The following ENOX1 variants were observed in gnomAD, a reference collection of about 807,000 sequenced individuals.
ENOX1 encodes the protein candidate growth-related and time keeping constitutive hydroquinone (NADH) oxidase.
A neutral mutation model predicts 82.5 loss-of-function variants in ENOX1; 42 were observed. The ratio of observed to expected loss-of-function variants is 0.51; its 90% CI spans 0.40 to 0.66. ENOX1 has a LOEUF of 0.66. ENOX1 is among the 30% of genes least tolerant of loss of function. ENOX1 has a pLI of 0.00. For synonymous variants in ENOX1, 271 were observed against 282.2 expected (o/e 0.96, Z 0.40); for missense variants, 608 against 811.6 (o/e 0.75, Z 3.05).
rs552598276 is a variant in ENOX1 at position 43,414,454 on chromosome 13, G to A, written c.-74-1466C>T. On this transcript the variant is annotated intron_variant, in intron 3 of 16. Transcript: ENST00000690772. ...CCAAATGAACTCAGAACCTGCATGT[G>A]TATTGTGCATCAATTATCTTAGGCT... 2.0e-5 allele frequency among the ~76,000 whole-genome samples: 3 copies of A among 152,294 alleles called. 1 individual carries two copies. The highest frequency in any genetic ancestry group is 2.1e-4 in the South Asian group (1 of 4,830).
chr13:43,451,047 C>A (rs61959497), intron 3 of ENOX1, among the ~76,000 whole-genome samples: 29,801 of 151,994 alleles, frequency 0.2, 3,541 homozygotes, highest in Middle Eastern at 0.28. Flanking sequence ...ACGTTGAGAC[C>A]TTGCATTTCT....
chr13:43,670,874 AC>A (rs2085233681), intron 1 of ENOX1, among the ~76,000 whole-genome samples: 1 of 151,708 alleles, frequency 6.6e-6, no homozygotes, highest in Non-Finnish European at 1.5e-5. Context: ...AACAACAACA[AC>A]AACAACAAAA....
At chr13:43,309,874 AG>A (rs2047090769) in intron 11 of ENOX1, among the ~76,000 whole-genome samples, 1 of 152,116 alleles carries the variant, frequency 6.6e-6, no homozygotes, top group East Asian at 1.9e-4. Context: ...ATAGTTTTTC[AG>A]GTAGCAATGT....
intron 9 of ENOX1, among the ~76,000 whole-genome samples, chr13:43,335,046 C>A (rs1311722765): frequency 6.6e-6 from 1 of 152,180 alleles, no homozygotes; most frequent in African/African-American, 2.4e-5. Flanking sequence ...GCAAAGGGGG[C>A]TAGGCTAGAC....
intron 11 of ENOX1, among the ~76,000 whole-genome samples, chr13:43,309,346 C>T (rs57093678): frequency 8.0e-4 from 121 of 152,066 alleles, no homozygotes; most frequent in African/African-American, 2.9e-3. Flanking sequence ...TTACTGTACT[C>T]ACTGACTCTA....
At chr13:43,239,165 T>A (rs1319738687) in intron 14 of ENOX1, among the ~76,000 whole-genome samples, 1 of 152,178 alleles carries the variant, frequency 6.6e-6, no homozygotes, top group Non-Finnish European at 1.5e-5. Flanking sequence ...TCTGTGGAAG[T>A]ATTTCTTGAG....
intron 8 of ENOX1, among the ~76,000 whole-genome samples, chr13:43,347,447 C>T (rs1411207743): frequency 6.6e-6 from 1 of 152,140 alleles, no homozygotes; most frequent in Non-Finnish European, 1.5e-5. Context: ...GATGTACTGA[C>T]ATTCAAATTA....
intron 2 of ENOX1, among the ~76,000 whole-genome samples, chr13:43,634,370 T>C (rs949195056): frequency 2.6e-4 from 40 of 152,200 alleles, no homozygotes; most frequent in African/African-American, 9.4e-4. Context: ...AGTTACATAC[T>C]TGGATGGTGT....
intron 2 of ENOX1, among the ~76,000 whole-genome samples, chr13:43,590,647 G>A (rs1380952700): frequency 1.3e-5 from 2 of 151,614 alleles, no homozygotes; most frequent in South Asian, 2.1e-4. Context: ...ACAGTGGCAC[G>A]CGCCTGTAGT....
intron 1 of ENOX1, among the ~76,000 whole-genome samples, chr13:43,669,825 A>G (rs959209619): frequency 2.6e-5 from 4 of 152,182 alleles, no homozygotes; most frequent in Non-Finnish European, 5.9e-5. Context: ...GAGAGGAAAG[A>G]AAAACTTTCA....
intron 1 of ENOX1, among the ~76,000 whole-genome samples, chr13:43,760,915 G>A (rs1196222648): frequency 1.3e-5 from 2 of 149,298 alleles, no homozygotes; most frequent in African/African-American, 4.9e-5. Context: ...GCCTGGCAAT[G>A]AGCATTATGT....
At chr13:43,409,064 A>G (rs2053968171) in intron 5 of ENOX1, among the ~76,000 whole-genome samples, 1 of 151,204 alleles carries the variant, frequency 6.6e-6, no homozygotes, top group African/African-American at 2.4e-5. Flanking sequence ...AAAAATTACC[A>G]GGAACCCTAT....
chr13:43,407,438 T>C (rs908874261), intron 5 of ENOX1, among the ~76,000 whole-genome samples: 1 of 152,244 alleles, frequency 6.6e-6, no homozygotes, highest in African/African-American at 2.4e-5. Context: ...AATTAATTTT[T>C]AAATTTTACT....
At chr13:43,754,335 A>ATAT (rs1228677794) in intron 1 of ENOX1, among the ~76,000 whole-genome samples, 5 of 143,426 alleles carry the variant, frequency 3.5e-5, no homozygotes, top group Non-Finnish European at 6.1e-5. Context: ...ATATATATAT[A>ATAT]TATTATTATT....
chr13:43,341,222 G>A (rs1231421906), intron 9 of ENOX1, among the ~76,000 whole-genome samples: 3 of 151,900 alleles, frequency 2.0e-5, no homozygotes, highest in Non-Finnish European at 2.9e-5. Context: ...ATTTGAACCC[G>A]GAGGCAGAGG....
intron 2 of ENOX1, among the ~76,000 whole-genome samples, chr13:43,562,329 TATAAG>T (rs1342305407): frequency 6.6e-6 from 1 of 152,082 alleles, no homozygotes; most frequent in Non-Finnish European, 1.5e-5. Flanking sequence ...AATAATGGGT[TATAAG>T]ATATTTACAA....
chr13:43,334,916 T>C (rs1410143114), intron 9 of ENOX1, among the ~76,000 whole-genome samples: 2 of 152,064 alleles, frequency 1.3e-5, no homozygotes, highest in African/African-American at 2.4e-5. Context: ...TACAACACTG[T>C]TTTGGGGGTT....
chr13:43,359,812 A>G, intron 7 of ENOX1, 39 bp downstream of exon 7: 1 of 1,580,518 alleles, frequency 6.3e-7, no homozygotes, highest in Non-Finnish European at 8.7e-7. Context: ...ACAAAACATA[A>G]CAAAATGCCT....
At chr13:43,547,107 CA>C (rs1255894289) in intron 2 of ENOX1, 1 of 152,222 alleles carries the variant, frequency 6.6e-6, no homozygotes, top group Non-Finnish European at 1.5e-5. Flanking sequence ...ACAGGAGAGT[CA>C]GGCCTGGCCC....
Sources: gnomAD v4.1 joint callset for allele counts (sites outside exome capture counted in the v4.1 genomes callset) on GRCh38, gnomAD v4.1.1 for gene constraint, MANE v1.5 for transcripts, NCBI Gene and HGNC (gene_info 2026-07-23, HGNC 2026-07-21) for gene names.